ZZEF1: variants seen among roughly 807,000 people sequenced by gnomAD.
The protein encoded by ZZEF1 is zinc finger ZZ-type and EF-hand domain containing 1, also known as zinc finger ZZ-type and EF-hand domain-containing protein 1.
Under a neutral mutation model 342.8 loss-of-function variants are expected in ZZEF1, and 157 were observed. The observed-to-expected ratio is 0.46, with a 90% CI of 0.40 to 0.52. The LOEUF is 0.52. ZZEF1 is among the 20% of genes least tolerant of loss of function. The pLI, the probability that ZZEF1 is intolerant of heterozygous loss-of-function variation, is 0.00. For synonymous variants in ZZEF1, 1,505 were observed against 1,429.1 expected, an observed-to-expected ratio of 1.05 and a Z score of -1.20; for missense variants, 3,480 against 3,725.6, an observed-to-expected ratio of 0.93 and a Z score of 1.72.
intron 3 of ZZEF1, among the ~76,000 whole-genome samples, chr17:4,115,088 C>T (rs2058373241): frequency 6.6e-6 from 1 of 151,914 alleles, no homozygotes; most frequent in African/African-American, 2.4e-5. Flanking sequence ...GTGGTGTGAT[C>T]ACAGCTCACC....
chr17:4,011,749 T>TA (rs1304719749), intron 52 of ZZEF1, among the ~76,000 whole-genome samples: 3 of 152,228 alleles, frequency 2.0e-5, no homozygotes, highest in Non-Finnish European at 4.4e-5. Context: ...TTATTGTGTA[T>TA]ATTTAATTGT....
chr17:4,022,955 G>T, intron 43 of ZZEF1, 127 bp from the exon 44 acceptor site: 1 of 1,295,050 alleles, frequency 7.7e-7, no homozygotes, highest in Non-Finnish European at 1.0e-6. Context: ...TTTGAATGAA[G>T]CCTATTTTAT....
In ZZEF1 at chr17:4,059,164, C is replaced by T. The variant is rs780613639; in HGVS notation, c.5003+7G>A. Reference sequence around the variant, plus strand: ...TTTTCTCTAGAAATGATAAAGTTATCCAGTACCTGTCATTTAGGCTACTAA... The same window carrying T: ...TTTTCTCTAGAAATGATAAAGTTATTCAGTACCTGTCATTTAGGCTACTAA... On this transcript the variant is annotated splice_region_variant and intron_variant, in intron 31 of 54. Transcript: ENST00000381638. 6.4e-6 allele frequency: 10 copies of T among 1,573,774 alleles called. No homozygotes were observed. The highest frequency in any genetic ancestry group is 1.4e-5 in the African/African-American group (1 of 72,096).
rs569407442 is a variant in ZZEF1, at chr17:4,143,015, C to A, written c.-120G>T. On this transcript the variant is annotated 5_prime_UTR_variant, in exon 1 of 55. Coordinates refer to ENST00000381638, the MANE Select transcript of ZZEF1 (RefSeq NM_015113.4). ...GCGGAGGAGACGACGGCGGCCCCTGCGGCTTCCGGCTTCCTGGCCGTCAAG... is the reference window on the plus strand; with the variant it reads ...GCGGAGGAGACGACGGCGGCCCCTGAGGCTTCCGGCTTCCTGGCCGTCAAG... The A allele has an allele frequency of 7.9e-7, 1 of 1,268,086 alleles. No individual in the cohort carries two copies. Among genetic ancestry groups the A allele is most frequent in the African/African-American group, 1.5e-5 (1 of 64,524 alleles). The allele number at this position is 1,268,086 out of a possible 1,614,324, so 78.6% of individuals were successfully genotyped here.
intron 39 of ZZEF1, among the ~76,000 whole-genome samples, chr17:4,038,790 A>G (rs1240861773): frequency 6.6e-6 from 1 of 151,064 alleles, no homozygotes; most frequent in African/African-American, 2.5e-5. Context: ...TGGGCAACAG[A>G]GCAAGACTCT....
At chr17:4,137,037 C>A (rs562485100) in intron 1 of ZZEF1, among the ~76,000 whole-genome samples, 65 of 86,542 alleles carry the variant, frequency 7.5e-4, no homozygotes, top group African/African-American at 1.9e-3. Flanking sequence ...GGAAACGGGA[C>A]CATAAAGTGG....
intron 6 of ZZEF1, among the ~76,000 whole-genome samples, chr17:4,107,900 G>GAA (rs568882094): frequency 2.2e-4 from 33 of 152,164 alleles, no homozygotes; most frequent in Non-Finnish European, 4.3e-4. Context: ...GATAAGCCTG[G>GAA]AATATCTTGT....
At chr17:4,037,656 T>C (rs1361127639) in intron 39 of ZZEF1, among the ~76,000 whole-genome samples, 2 of 152,202 alleles carry the variant, frequency 1.3e-5, no homozygotes, top group Non-Finnish European at 2.9e-5. Flanking sequence ...CAACCTTGGC[T>C]CCCTATGACT....
chr17:4,066,574 T>C (rs1209709117), intron 27 of ZZEF1, 34 bp from the exon 28 acceptor site: 2 of 1,602,648 alleles, frequency 1.2e-6, no homozygotes, highest in South Asian at 1.1e-5. Flanking sequence ...CATTATGCTG[T>C]CCAGGCAGGG....
At chr17:4,007,482 A>G (rs1192860686) in intron 54 of ZZEF1, among the ~76,000 whole-genome samples, 1 of 152,030 alleles carries the variant, frequency 6.6e-6, no homozygotes, top group African/African-American at 2.4e-5. Context: ...ACGTCAGGAC[A>G]CTGGTGCAGT....
intron 26 of ZZEF1, 130 bp downstream of exon 26, chr17:4,070,554 A>C: frequency 8.6e-7 from 1 of 1,161,866 alleles, no homozygotes; most frequent in Non-Finnish European, 1.2e-6. Context: ...AGTAGAACCA[A>C]CAAGATGATG....
At chr17:4,048,806 C>T (rs569909247) in intron 37 of ZZEF1, among the ~76,000 whole-genome samples, 14 of 151,950 alleles carry the variant, frequency 9.2e-5, no homozygotes, top group African/African-American at 2.7e-4. Context: ...CTCCGCCTCC[C>T]GGGTTCAAGC....
intron 18 of ZZEF1, 45 bp downstream of exon 18, chr17:4,081,331 C>T (rs1335522621): frequency 2.6e-6 from 4 of 1,538,878 alleles, no homozygotes; most frequent in South Asian, 2.2e-5. Flanking sequence ...TCACGTGCCC[C>T]CACAAGCATG....
rs2055780039 is a variant in ZZEF1 at position 4,005,361 on chromosome 17, T to C, written c.*1529A>G. 6.6e-6 allele frequency: 1 copy of C among 152,408 alleles called. No homozygotes were observed. The highest frequency in any genetic ancestry group is 1.5e-5 in the Non-Finnish European group (1 of 68,180). 9.4% of individuals were successfully genotyped at this position (152,408 alleles called of 1,614,324 possible). A position where few individuals can be genotyped will look rare whatever the true frequency, so the allele number is the denominator to read the frequency against. The stretch of plus-strand genomic sequence containing the variant: ...AGCCACAGGAACCAGGCCAGGCCTT[T>C]CCACCAGGGCAATGGCCTCAGTCCT... On this transcript the variant is annotated 3_prime_UTR_variant, in exon 55 of 55. Transcript: ENST00000381638.
rs2056110962 is a variant in ZZEF1 at position 4,016,695 on chromosome 17, G to A, written c.8002-229C>T. 6.1e-6 allele frequency: 3 copies of A among 488,698 alleles called. No individual in the cohort carries two copies. Among genetic ancestry groups the A allele is most frequent in the Non-Finnish European group, 1.1e-5 (3 of 278,136 alleles). 30.3% of individuals were successfully genotyped at this position (488,698 alleles called of 1,614,324 possible). On this transcript the variant is annotated intron_variant, in intron 48 of 54. Coordinates refer to ENST00000381638, the MANE Select transcript of ZZEF1 (RefSeq NM_015113.4). This position sits in a 1 kb window ranked among gnomAD's most constrained non-coding sequence, Gnocchi z 4.4. ...CCTTTCAGAATGATGCTACTTAGAGGTGGTCTGAAAGAACTAACTGAACCA... is the reference window on the plus strand; with the variant it reads ...CCTTTCAGAATGATGCTACTTAGAGATGGTCTGAAAGAACTAACTGAACCA...
In ZZEF1 at chr17:4,076,694, G is replaced by A. The variant is rs147942663; in HGVS notation, c.3177C>T (p.Ser1059=). ...IPHCVLLREF[S]VLTELLKKLC... is the part of the protein sequence containing the mutation. ...GCTTCTTCAGGAGTTCTGTGAGGAC[G>A]CTGAACTCTCTCAAGAGCACGCAGT... Residue 1059 remains serine (S), a synonymous_variant, in exon 21 of 55, where the codon AGC becomes AGT. Transcript: ENST00000381638. The A allele has an allele frequency of 7.1e-5, 114 of 1,613,218 alleles. 2 individuals carry two copies. In the East Asian group the frequency reaches 1.8e-3, roughly 26 times the overall value.
Position 4,049,843 on chromosome 17 carries a change from A to C in ZZEF1, c.5880T>G (p.Ala1960=). The change falls in exon 37 of 55, where the codon GCT becomes GCG. Residue 1960 remains alanine, a synonymous_variant. Coordinates refer to ENST00000381638, the MANE Select transcript of ZZEF1 (RefSeq NM_015113.4). The part of the protein sequence containing the change: ...AHQGKGLKAL[A]LLGVLPDGDS... ...CCCCATCTGGCAATACACCCAGCAA[A>C]GCTAGAGCTTTAAGGCCTATGTGGG... The C allele has an allele frequency of 6.2e-7, 1 of 1,614,178 alleles. No homozygotes were observed. The highest frequency in any genetic ancestry group is 1.1e-5 in the South Asian group (1 of 91,080).
chr17:4,052,190 C>G, intron 34 of ZZEF1, 54 bp from the exon 35 acceptor site: 2 of 1,512,460 alleles, frequency 1.3e-6, no homozygotes, highest in East Asian at 5.0e-5. Flanking sequence ...CCTAGATGGG[C>G]TAGTTTCCAA....
chr17:4,028,549 C>T (rs1296776506), intron 42 of ZZEF1, among the ~76,000 whole-genome samples: 1 of 108,926 alleles, frequency 9.2e-6, no homozygotes, highest in Non-Finnish European at 2.0e-5. Flanking sequence ...ACTCTGTCTC[C>T]AAAAAAAAAA....
Sources: gnomAD v4.1 joint callset for allele counts (sites outside exome capture counted in the v4.1 genomes callset) on GRCh38, gnomAD v4.1.1 for gene constraint, Gnocchi (gnomAD v3.1) non-coding constraint, MANE v1.5 for transcripts, NCBI Gene and HGNC (gene_info 2026-07-23, HGNC 2026-07-21) for gene names.